Variants in CADM2 observed in about 807,000 individuals in gnomAD.
The protein encoded by CADM2 is immunoglobulin superfamily member 4D.
Under a neutral mutation model 49.8 loss-of-function variants are expected in CADM2, and 12 were observed. That is an observed-to-expected ratio of 0.24 (90% CI 0.15 to 0.39). CADM2 has a LOEUF of 0.39. CADM2 is among the 10% of genes least tolerant of loss of function. The pLI, the probability that CADM2 is intolerant of heterozygous loss-of-function variation, is 1.00. For synonymous variants in CADM2, 214 were observed against 175.4 expected (o/e 1.22, Z -1.74); for missense variants, 378 against 492.3 (o/e 0.77, Z 2.20).
chr3:85,729,991 T>A (rs1240561257), intron 2 of CADM2, among the ~76,000 whole-genome samples: 5 of 152,240 alleles, frequency 3.3e-5, no homozygotes, highest in Non-Finnish European at 7.3e-5. Context: ...GTTTGCTATA[T>A]GTTCTCATGA....
At chr3:85,388,564 A>G (rs557609614) in intron 1 of CADM2, among the ~76,000 whole-genome samples, 1 of 152,268 alleles carries the variant, frequency 6.6e-6, no homozygotes, top group Admixed American at 6.5e-5. Context: ...CATCTTCTTG[A>G]TATGGCAATA....
Position 85,726,525 on chromosome 3 carries a change from C to G in CADM2, c.65C>G (p.Ala22Gly), listed in dbSNP as rs1473775559. The change falls in exon 2 of 10, where the codon GCT becomes GGT. Residue 22 changes from alanine to glycine, a missense_variant. Physicochemically the swap from Ala to Gly is moderately conservative, Grantham distance 60. Coordinates refer to ENST00000383699, the MANE Select transcript of CADM2 (RefSeq NM_001167675.2). ...YSVCGLLLQAAASKNKVKGSQ... is the reference protein window; with the variant it reads ...YSVCGLLLQAGASKNKVKGSQ... ...TGCAACCTTTCCTTGGTACCAGCGGCTGCTTCAAAGAATAAAGTTAAAGGT... is the reference window on the plus strand; with the variant it reads ...TGCAACCTTTCCTTGGTACCAGCGGGTGCTTCAAAGAATAAAGTTAAAGGT... The G allele has an allele frequency of 6.2e-7, 1 of 1,612,400 alleles. No individual in the cohort carries two copies. Among genetic ancestry groups the G allele is most frequent in the Non-Finnish European group, 8.5e-7 (1 of 1,178,906 alleles).
At chr3:85,454,260 G>A (rs922915144) in intron 1 of CADM2, among the ~76,000 whole-genome samples, 2 of 152,194 alleles carry the variant, frequency 1.3e-5, no homozygotes, top group Admixed American at 6.5e-5. Flanking sequence ...GAACCCGGGA[G>A]GTGGAGGTTG....
At chr3:86,053,008 A>G (rs756494974) in intron 8 of CADM2, among the ~76,000 whole-genome samples, 22 of 152,138 alleles carry the variant, frequency 1.4e-4, no homozygotes, top group Non-Finnish European at 2.9e-4. Flanking sequence ...TAGGTATTAA[A>G]TAAATAGCTC....
chr3:85,990,013 CA>C (rs58178176), intron 8 of CADM2, among the ~76,000 whole-genome samples: 682 of 9,610 alleles, frequency 0.071, 1 homozygote, highest in Non-Finnish European at 0.087. Context: ...ACTCCATGTC[CA>C]AAAAAAAAAA....
At chr3:85,018,686 G>A (rs2107282836) in intron 1 of CADM2, among the ~76,000 whole-genome samples, 1 of 152,158 alleles carries the variant, frequency 6.6e-6, no homozygotes, top group African/African-American at 2.4e-5. Context: ...AATACAGTAT[G>A]GTTCATGAAG....
chr3:85,409,256 T>A (rs1164533286), intron 1 of CADM2, among the ~76,000 whole-genome samples: 2 of 152,192 alleles, frequency 1.3e-5, no homozygotes, highest in African/African-American at 2.4e-5. Flanking sequence ...ACTTGCCTTT[T>A]TGTGTAATTT....
chr3:85,031,316 A>G (rs1204921074), intron 1 of CADM2, among the ~76,000 whole-genome samples: 3 of 152,202 alleles, frequency 2.0e-5, no homozygotes, highest in African/African-American at 7.2e-5. Context: ...TAGCGCAGGT[A>G]AGAGAAGGCT....
intron 1 of CADM2, among the ~76,000 whole-genome samples, chr3:85,368,351 C>A (rs1306443916): frequency 6.6e-6 from 1 of 151,840 alleles, no homozygotes; most frequent in African/African-American, 2.4e-5. Flanking sequence ...CCATTATACA[C>A]GTAAATGATT....
chr3:85,033,523 C>G (rs551691097), intron 1 of CADM2, among the ~76,000 whole-genome samples: 2 of 152,212 alleles, frequency 1.3e-5, no homozygotes, highest in South Asian at 4.1e-4. Flanking sequence ...ATTCCTTATT[C>G]CTTGTTATTC....
intron 1 of CADM2, among the ~76,000 whole-genome samples, chr3:85,073,755 A>G (rs2036841898): frequency 6.6e-6 from 1 of 152,080 alleles, no homozygotes; most frequent in African/African-American, 2.4e-5. Context: ...AATTTTTTTC[A>G]TACTTATCCT....
chr3:85,675,420 AT>A (rs1421860805), intron 1 of CADM2, among the ~76,000 whole-genome samples: 2 of 152,148 alleles, frequency 1.3e-5, no homozygotes, highest in African/African-American at 4.8e-5. Context: ...TTGTTGTTCA[AT>A]TTTTAAGGAG....
At chr3:85,207,925 A>G (rs997983568) in intron 1 of CADM2, among the ~76,000 whole-genome samples, 1 of 152,144 alleles carries the variant, frequency 6.6e-6, no homozygotes, top group African/African-American at 2.4e-5. Context: ...TATTTCTAGT[A>G]TAATCATCAT....
chr3:86,031,871 C>T (rs1734597933), intron 8 of CADM2, among the ~76,000 whole-genome samples: 1 of 151,526 alleles, frequency 6.6e-6, no homozygotes, highest in African/African-American at 2.4e-5. Flanking sequence ...AAAAGATACC[C>T]ATAATTGAAA....
intron 1 of CADM2, among the ~76,000 whole-genome samples, chr3:85,482,500 C>A (rs1421523171): frequency 6.6e-6 from 1 of 151,710 alleles, no homozygotes; most frequent in Non-Finnish European, 1.5e-5. Context: ...CTTGTGATGG[C>A]TAATTCTATT....
At chr3:85,439,649 C>T (rs1208640012) in intron 1 of CADM2, among the ~76,000 whole-genome samples, 1 of 152,004 alleles carries the variant, frequency 6.6e-6, no homozygotes, top group African/African-American at 2.4e-5. Context: ...TTAACTCAAT[C>T]AACAGTTTCA....
chr3:85,495,623 A>G (rs1007293795), intron 1 of CADM2, among the ~76,000 whole-genome samples: 3 of 152,076 alleles, frequency 2.0e-5, no homozygotes, highest in Non-Finnish European at 2.9e-5. Context: ...TTATAGGCCA[A>G]GAATGGTTCT....
chr3:85,292,167 C>A (rs2043818171), intron 1 of CADM2, among the ~76,000 whole-genome samples: 1 of 148,142 alleles, frequency 6.8e-6, no homozygotes. Context: ...GACTTTAAAC[C>A]AACAAAGATC....
At position 85,489,742 on chromosome 3, in the gene CADM2, ACG is replaced by A. The variant is rs1491105200; in HGVS notation, c.62-236779_62-236778del. ...AAAGTGTCCTTCTAAAAATTATTTA[ACG>A]TGTGTGTGTGTGTGAGAGAGAGAGA... is the stretch of plus-strand genomic sequence containing the variant. On this transcript the variant is annotated intron_variant, in intron 1 of 9. Transcript: ENST00000383699. 4.1e-5 allele frequency among the ~76,000 whole-genome samples: 4 copies of A among 98,320 alleles called. No homozygotes were observed. In the Admixed American group the frequency reaches 4.7e-4, roughly 12 times the overall value. 64.5% of individuals were successfully genotyped at this position (98,320 alleles called of 152,430 possible).
Sources: allele counts gnomAD v4.1 joint callset (sites outside exome capture counted in the v4.1 genomes callset), GRCh38; gene constraint gnomAD v4.1.1; transcripts MANE v1.5; gene names NCBI Gene and HGNC (gene_info 2026-07-23, HGNC 2026-07-21).